The following SMOC2 variants were observed in gnomAD, a reference collection of about 807,000 sequenced individuals.
SMOC2 encodes SPARC-related modular calcium-binding protein 2.
Under a neutral mutation model 61.4 loss-of-function variants are expected in SMOC2, and 39 were observed. The observed-to-expected ratio is 0.64, with a 90% CI of 0.49 to 0.83. The LOEUF is 0.83. Among genes scored for constraint, SMOC2 ranks in the 40% least tolerant of loss-of-function variants. SMOC2 has a pLI of 0.00. For missense variants in SMOC2, 556 were observed against 592.9 expected (o/e 0.94, Z 0.65); for synonymous variants, 247 against 239.9 (o/e 1.03, Z -0.27).
intron 9 of SMOC2, among the ~76,000 whole-genome samples, chr6:168,636,925 C>T (rs1296055049): frequency 1.8e-5 from 2 of 109,864 alleles, no homozygotes; most frequent in African/African-American, 3.7e-5. Flanking sequence ...CCTCCCTCCT[C>T]CCCCCTCCCC....
At chr6:168,598,344 A>G (rs12174949) in intron 7 of SMOC2, among the ~76,000 whole-genome samples, 103,099 of 152,116 alleles carry the variant, frequency 0.68, 35,161 homozygotes, top group Middle Eastern at 0.76. Context: ...GAGGGGTCAC[A>G]CAGGGAGCCT....
At position 168,519,012 on chromosome 6, in the gene SMOC2, C is replaced by T. The variant is rs548395741; in HGVS notation, c.257-7334C>T. Among the ~76,000 whole-genome samples the T allele has an allele frequency of 3.3e-4, 41 of 124,692 alleles. No homozygotes were observed. The East Asian group carries it at 5.6e-3, about 17-fold the overall frequency. 81.8% of individuals were successfully genotyped at this position (124,692 alleles called of 152,430 possible). A position where few individuals can be genotyped will look rare whatever the true frequency, so the allele number is the denominator to read the frequency against. ...GTGTATGCGTGCATGTGTGAGTATG[C>T]GTGCATGCGAACATGTGTGTGTATG... is the stretch of plus-strand genomic sequence containing the variant. On this transcript the variant is annotated intron_variant, in intron 2 of 12. Transcript: ENST00000356284.
chr6:168,599,280 ACAC>A (rs1785432392), intron 8 of SMOC2, among the ~76,000 whole-genome samples: 1 of 117,592 alleles, frequency 8.5e-6, no homozygotes, highest in African/African-American at 3.4e-5. Flanking sequence ...ACGCTCTCAC[ACAC>A]CCACACACAC....
At chr6:168,644,644 CTTTTTTTTTTTTT>C (rs34203137) in intron 9 of SMOC2, among the ~76,000 whole-genome samples, 2,685 of 99,546 alleles carry the variant, frequency 0.027, 112 homozygotes, top group African/African-American at 0.095. Flanking sequence ...GAATGCCTTT[CTTTTTTTTTTTTT>C]TTTTTTTTTT....
chr6:168,599,940 ACACT>A (rs1785494092), intron 8 of SMOC2, among the ~76,000 whole-genome samples: 1 of 146,324 alleles, frequency 6.8e-6, no homozygotes. Context: ...ATACACACCC[ACACT>A]CACACATCCA....
chr6:168,625,371 T>A (rs1786377209), intron 9 of SMOC2, among the ~76,000 whole-genome samples: 2 of 152,162 alleles, frequency 1.3e-5, no homozygotes, highest in Non-Finnish European at 2.9e-5. Flanking sequence ...TGGAGCAGGT[T>A]GTGAGCAGAG....
chr6:168,482,634 A>G (rs1782234214), intron 1 of SMOC2, among the ~76,000 whole-genome samples: 1 of 152,080 alleles, frequency 6.6e-6, no homozygotes, highest in Admixed American at 6.6e-5. Flanking sequence ...TCCCTTATGA[A>G]CATCGATGCC....
At chr6:168,655,363 T>G in intron 11 of SMOC2, 1 of 455,758 alleles carries the variant, frequency 2.2e-6, no homozygotes, top group South Asian at 1.6e-5. Flanking sequence ...AAAATACTTT[T>G]TTTTGTGGGC....
intron 9 of SMOC2, among the ~76,000 whole-genome samples, chr6:168,630,159 G>A (rs1786529513): frequency 6.6e-6 from 1 of 152,144 alleles, no homozygotes; most frequent in Non-Finnish European, 1.5e-5. Context: ...TGTTAAAGAT[G>A]TGTGAGGTAG....
chr6:168,578,138 G>C (rs933468963), intron 7 of SMOC2, among the ~76,000 whole-genome samples: 6 of 152,188 alleles, frequency 3.9e-5, no homozygotes, highest in African/African-American at 1.4e-4. Flanking sequence ...TTTGCACGTA[G>C]CTGCCCAGCT....
chr6:168,531,632 G>A (rs552470257), intron 4 of SMOC2, among the ~76,000 whole-genome samples: 2 of 152,296 alleles, frequency 1.3e-5, no homozygotes, highest in African/African-American at 2.4e-5. Context: ...AGCGGGCTGG[G>A]CATTGCGGCC....
chr6:168,592,418 A>G (rs1323722067), intron 7 of SMOC2, among the ~76,000 whole-genome samples: 15 of 116,886 alleles, frequency 1.3e-4, no homozygotes, highest in South Asian at 2.8e-4. Flanking sequence ...CTGAGGCCTC[A>G]CGAGCATCTT....
chr6:168,569,704 A>G (rs12528193), intron 7 of SMOC2, among the ~76,000 whole-genome samples: 56,138 of 152,086 alleles, frequency 0.37, 12,686 homozygotes, highest in Middle Eastern at 0.55. Context: ...TCGGCCTTCC[A>G]GAGTGCTGGG....
chr6:168,513,926 C>T (rs112638304), intron 2 of SMOC2, among the ~76,000 whole-genome samples: 9 of 152,342 alleles, frequency 5.9e-5, no homozygotes, highest in Admixed American at 1.3e-4. Flanking sequence ...ATGCTCCCAA[C>T]GCCCGGCCTG....
intron 1 of SMOC2, among the ~76,000 whole-genome samples, chr6:168,480,801 AT>A (rs1208415343): frequency 9.2e-5 from 14 of 152,216 alleles, no homozygotes; most frequent in Admixed American, 9.2e-4. Context: ...GACAAAGAGA[AT>A]TTTGAAAGCA....
At chr6:168,561,922 GCATTCT>G (rs1784425879) in intron 7 of SMOC2, among the ~76,000 whole-genome samples, 1 of 25,784 alleles carries the variant, frequency 3.9e-5, no homozygotes, top group Non-Finnish European at 6.4e-5. Flanking sequence ...GGCTCTCACT[GCATTCT>G]TGGAGGAGGT....
At chr6:168,635,650 C>A (rs1443522556) in intron 9 of SMOC2, among the ~76,000 whole-genome samples, 1 of 152,094 alleles carries the variant, frequency 6.6e-6, no homozygotes, top group African/African-American at 2.4e-5. Context: ...GTGGGTAGAT[C>A]ACTTGAGGCC....
chr6:168,631,256 A>C (rs1223761938), intron 9 of SMOC2, among the ~76,000 whole-genome samples: 1 of 152,162 alleles, frequency 6.6e-6, no homozygotes, highest in Non-Finnish European at 1.5e-5. Context: ...GCTTAGGAAA[A>C]ATAGAAAAGA....
intron 1 of SMOC2, among the ~76,000 whole-genome samples, chr6:168,482,577 CAAT>C (rs1270947012): frequency 1.3e-5 from 2 of 151,990 alleles, no homozygotes; most frequent in Non-Finnish European, 2.9e-5. Context: ...ATTCTGATTC[CAAT>C]GCCAGACAAA....
Sources: gnomAD v4.1 joint callset for allele counts (sites outside exome capture counted in the v4.1 genomes callset) on GRCh38, gnomAD v4.1.1 for gene constraint, MANE v1.5 for transcripts, NCBI Gene and HGNC (gene_info 2026-07-23, HGNC 2026-07-21) for gene names.